Variants in SGF29 observed in about 807,000 individuals in gnomAD.
SGF29 encodes SAGA complex associated factor 29.
SGF29 carries 15 observed loss-of-function variants against 38.1 expected under a neutral mutation model. The observed-to-expected ratio is 0.39, with a 90% CI of 0.26 to 0.61. The LOEUF is 0.61. SGF29 is among the 20% of genes least tolerant of loss of function. The probability of loss-of-function intolerance (pLI) is 0.49; values close to 1 mark genes in which losing one functional copy is unlikely to be tolerated. For missense variants in SGF29, 184 were observed against 394.6 expected, an observed-to-expected ratio of 0.47 and a Z score of 4.52; for synonymous variants, 151 against 160.8, an observed-to-expected ratio of 0.94 and a Z score of 0.46.
intron 1 of SGF29, among the ~76,000 whole-genome samples, chr16:28,567,185 G>A (rs1225581613): frequency 6.6e-6 from 1 of 152,124 alleles, no homozygotes; most frequent in Non-Finnish European, 1.5e-5. Context: ...AAATATCCAT[G>A]TTGAGCATAG....
At chr16:28,588,419 A>G (rs904492298) in intron 4 of SGF29, among the ~76,000 whole-genome samples, 2 of 152,148 alleles carry the variant, frequency 1.3e-5, no homozygotes, top group Non-Finnish European at 2.9e-5. Flanking sequence ...AGGTTCCTGC[A>G]GCCTTTCTGC....
chr16:28,561,143 A>G (rs1031228912), intron 1 of SGF29, among the ~76,000 whole-genome samples: 1 of 151,966 alleles, frequency 6.6e-6, no homozygotes, highest in Non-Finnish European at 1.5e-5. Context: ...TATAATCCCA[A>G]CAATTTGGGA....
At chr16:28,575,372 C>T (rs1334064129) in intron 1 of SGF29, among the ~76,000 whole-genome samples, 1 of 152,166 alleles carries the variant, frequency 6.6e-6, no homozygotes, top group Non-Finnish European at 1.5e-5. Flanking sequence ...AAAACATGTG[C>T]TTCCAAGGAC....
intron 3 of SGF29, chr16:28,585,262 A>G (rs2046950080): frequency 2.0e-6 from 1 of 511,850 alleles, no homozygotes; most frequent in African/African-American, 1.9e-5. Flanking sequence ...GGTGTTTTCT[A>G]GAAAGGAGCT....
At chr16:28,584,617 G>A (rs866783661) in intron 2 of SGF29, among the ~76,000 whole-genome samples, 3 of 152,074 alleles carry the variant, frequency 2.0e-5, no homozygotes, top group Admixed American at 6.5e-5. Context: ...GTGAAACTCC[G>A]TCTCTTCTAA....
At chr16:28,571,810 G>T (rs2046866604) in intron 1 of SGF29, among the ~76,000 whole-genome samples, 2 of 152,068 alleles carry the variant, frequency 1.3e-5, no homozygotes, top group Admixed American at 1.3e-4. Context: ...GCTGGGGTGT[G>T]AAGTAGTGAA....
intron 1 of SGF29, among the ~76,000 whole-genome samples, chr16:28,564,715 ATG>A (rs59210288): frequency 6.8e-5 from 6 of 87,594 alleles, no homozygotes; most frequent in African/African-American, 2.1e-4. Flanking sequence ...ATACATATAT[ATG>A]TATATATATA....
chr16:28,560,596 A>C (rs1442159099), intron 1 of SGF29, among the ~76,000 whole-genome samples: 1 of 149,436 alleles, frequency 6.7e-6, no homozygotes, highest in Non-Finnish European at 1.5e-5. Context: ...CTCAAGAAAA[A>C]AAAAAAAAAG....
At chr16:28,566,050 G>T (rs1379682287) in intron 1 of SGF29, among the ~76,000 whole-genome samples, 1 of 151,438 alleles carries the variant, frequency 6.6e-6, no homozygotes, top group Non-Finnish European at 1.5e-5. Flanking sequence ...GAGGTGGGCA[G>T]ATCACGAGGT....
At position 28,590,341 on chromosome 16, in the gene SGF29, G is replaced by A. The variant is rs1439100851; in HGVS notation, c.465G>A (p.Val155=). ...CCATCCCTGCCTCAGGAGACTACGT[G>A]GCCAGACCTGGAGACAAGGTGGCTG... The part of the protein sequence containing the change: ...CGAIPASGDY[V]ARPGDKVAAR... The change falls in exon 7 of 10, where the codon GTG becomes GTA. Residue 155 remains valine, a synonymous_variant. Transcript: ENST00000317058. The surrounding 1 kb of genome is among the most constrained non-coding windows in gnomAD (Gnocchi z 8.2). 1 of 1,613,222 alleles carries A rather than the reference G, an allele frequency of 6.2e-7. No homozygotes were observed. Among genetic ancestry groups the A allele is most frequent in the African/African-American group, 1.3e-5 (1 of 74,908 alleles).
chr16:28,557,634 T>C (rs1386906951), intron 1 of SGF29, among the ~76,000 whole-genome samples: 1 of 152,088 alleles, frequency 6.6e-6, no homozygotes, highest in African/African-American at 2.4e-5. Context: ...GCATTGAGAA[T>C]TGGGGGGACA....
chr16:28,588,800 A>G (rs1002305747), intron 4 of SGF29: 1 of 358,466 alleles, frequency 2.8e-6, no homozygotes, highest in Non-Finnish European at 5.4e-6. Flanking sequence ...TGAACTCCTG[A>G]CCTCAGGTGA....
intron 1 of SGF29, 73 bp from the exon 2 acceptor site, chr16:28,580,982 T>C (rs2046921573): frequency 8.8e-7 from 1 of 1,137,460 alleles, no homozygotes; most frequent in Non-Finnish European, 1.3e-6. Context: ...GCCTAATGTA[T>C]CTTTTGAGGG....
chr16:28,578,805 G>A (rs1320280624), intron 1 of SGF29, among the ~76,000 whole-genome samples: 1 of 152,058 alleles, frequency 6.6e-6, no homozygotes, highest in Admixed American at 6.6e-5. Flanking sequence ...AGCCAGGCAA[G>A]GTGGCGGGTG....
intron 1 of SGF29, among the ~76,000 whole-genome samples, chr16:28,578,503 T>C (rs2046907343): frequency 6.6e-6 from 1 of 151,998 alleles, no homozygotes; most frequent in South Asian, 2.1e-4. Flanking sequence ...GTTGAGGAGG[T>C]TACCCTCTAT....
intron 1 of SGF29, among the ~76,000 whole-genome samples, chr16:28,576,128 A>G (rs1185691313): frequency 6.6e-6 from 1 of 152,212 alleles, no homozygotes; most frequent in Non-Finnish European, 1.5e-5. Context: ...TTTATGTTTA[A>G]TACACTTATT....
rs767759050 is a variant in SGF29, at chr16:28,585,745, C to T, written c.224+25C>T. The T allele has an allele frequency of 2.5e-6, 4 of 1,608,250 alleles. No individual in the cohort carries two copies. In the African/African-American group the frequency reaches 4.0e-5, roughly 16 times the overall value. On this transcript the variant is annotated intron_variant, in intron 4 of 9. Transcript: ENST00000317058. Reference sequence around the variant, plus strand: ...AGTGAGTACCGTGCACCCACTTCATCGCCGCTCCCTCCTTTCCTGGGGGCT... The same window carrying T: ...AGTGAGTACCGTGCACCCACTTCATTGCCGCTCCCTCCTTTCCTGGGGGCT...
chr16:28,564,228 G>A (rs2046806870), intron 1 of SGF29, among the ~76,000 whole-genome samples: 1 of 152,080 alleles, frequency 6.6e-6, no homozygotes, highest in Non-Finnish European at 1.5e-5. Flanking sequence ...CTGGAAGTGT[G>A]AGCATCTGCG....
chr16:28,562,987 A>G (rs1448108934), intron 1 of SGF29, among the ~76,000 whole-genome samples: 2 of 151,926 alleles, frequency 1.3e-5, no homozygotes, highest in Non-Finnish European at 2.9e-5. Context: ...TTCCACACAT[A>G]GAAAGCAGTC....
Sources: allele counts gnomAD v4.1 joint callset (sites outside exome capture counted in the v4.1 genomes callset), GRCh38; gene constraint gnomAD v4.1.1; non-coding constraint Gnocchi (gnomAD v3.1); transcripts MANE v1.5; gene names NCBI Gene and HGNC (gene_info 2026-07-23, HGNC 2026-07-21).